DHRSX: variants seen among roughly 807,000 people sequenced by gnomAD.
DHRSX encodes polyprenol dehydrogenase.
Under a neutral mutation model 34.0 loss-of-function variants are expected in DHRSX, and 31 were observed. The observed-to-expected ratio is 0.91, with a 90% CI of 0.69 to 1.23. The LOEUF (loss-of-function observed/expected upper bound fraction) is 1.23, where lower values mean the gene tolerates loss of function less well. DHRSX is among the 50% of genes most tolerant of loss of function. The pLI, the probability that DHRSX is intolerant of heterozygous loss-of-function variation, is 0.00. For synonymous variants in DHRSX, 201 were observed against 183.8 expected, an observed-to-expected ratio of 1.09 and a Z score of -0.76; for missense variants, 414 against 428.1, an observed-to-expected ratio of 0.97 and a Z score of 0.29.
At chrX:2,321,107 G>A (rs978082515) in intron 3 of DHRSX, among the ~76,000 whole-genome samples, 5 of 152,126 alleles carry the variant, frequency 3.3e-5, no homozygotes, top group African/African-American at 4.8e-5. Context: ...GGCTTGTGGC[G>A]TGGCTGTCCA....
intron 3 of DHRSX, among the ~76,000 whole-genome samples, chrX:2,352,300 T>C (rs1306161576): frequency 6.6e-6 from 1 of 152,114 alleles, no homozygotes; most frequent in Non-Finnish European, 1.5e-5. Context: ...AATGGGATAG[T>C]ATCTGTTTTC....
At chrX:2,230,177 G>A (rs186641692) in intron 6 of DHRSX, among the ~76,000 whole-genome samples, 4,335 of 151,360 alleles carry the variant, frequency 0.029, 84 homozygotes, top group South Asian at 0.058. Context: ...GCAGGTGCGC[G>A]CATGTGTTTG....
At chrX:2,461,533 T>C (rs2044401986) in intron 1 of DHRSX, among the ~76,000 whole-genome samples, 1 of 152,160 alleles carries the variant, frequency 6.6e-6, no homozygotes, top group Non-Finnish European at 1.5e-5. Context: ...TTCTGCTTAA[T>C]CATGAACTTA....
chrX:2,282,990 G>C (rs1207291785), intron 4 of DHRSX, among the ~76,000 whole-genome samples: 3 of 151,510 alleles, frequency 2.0e-5, no homozygotes, highest in Admixed American at 6.6e-5. Flanking sequence ...GGAAAAGTGA[G>C]ACAGTGAAGA....
chrX:2,343,889 A>G (rs907485379), intron 3 of DHRSX, among the ~76,000 whole-genome samples: 16 of 152,216 alleles, frequency 1.1e-4, no homozygotes, highest in African/African-American at 3.9e-4. Flanking sequence ...CTTGGGTCAC[A>G]GCAGGAGCCT....
At chrX:2,398,119 G>A (rs973456737) in intron 3 of DHRSX, among the ~76,000 whole-genome samples, 2 of 152,210 alleles carry the variant, frequency 1.3e-5, no homozygotes, top group African/African-American at 4.8e-5. Context: ...GCAGACCCTT[G>A]TAGGTGAACA....
intron 3 of DHRSX, among the ~76,000 whole-genome samples, chrX:2,360,329 A>G (rs1317923776): frequency 6.6e-6 from 1 of 152,174 alleles, no homozygotes; most frequent in Non-Finnish European, 1.5e-5. Flanking sequence ...TCACGCCTGT[A>G]ATCCCAGCAC....
intron 3 of DHRSX, among the ~76,000 whole-genome samples, chrX:2,351,910 G>A (rs2042793077): frequency 6.6e-6 from 1 of 152,190 alleles, no homozygotes; most frequent in African/African-American, 2.4e-5. Flanking sequence ...AGTAGAGACA[G>A]GGTTCCACCA....
At position 2,296,967 on chromosome X, in the gene DHRSX, CCCCAGGCAGACAGGAATAGGA is replaced by C. The variant is rs1200797830; in HGVS notation, c.287-5385_287-5365del. 7.0e-5 allele frequency among the ~76,000 whole-genome samples: 7 copies of C among 100,148 alleles called. 1 individual carries two copies. The highest frequency in any genetic ancestry group is 5.7e-4 in the African/African-American group (5 of 8,826). 65.7% of individuals were successfully genotyped at this position (100,148 alleles called of 152,430 possible). A position where few individuals can be genotyped will look rare whatever the true frequency, so the allele number is the denominator to read the frequency against. On this transcript the variant is annotated intron_variant, in intron 3 of 6. Transcript: ENST00000334651. ...TAGGAATAGGACCCAGGCAGATAGACCCCAGGCAGACAGGAATAGGACCCAGGCAGATAGGAATAGGACCCA... is the reference window on the plus strand; with the variant it reads ...TAGGAATAGGACCCAGGCAGATAGACCCCAGGCAGATAGGAATAGGACCCA...
At chrX:2,260,837 C>T (rs1348705169) in intron 5 of DHRSX, among the ~76,000 whole-genome samples, 3 of 152,128 alleles carry the variant, frequency 2.0e-5, no homozygotes, top group African/African-American at 7.2e-5. Context: ...CACTTAATTC[C>T]ATCTGCAAAG....
chrX:2,456,365 G>C (rs2044296307), intron 1 of DHRSX, among the ~76,000 whole-genome samples: 1 of 152,056 alleles, frequency 6.6e-6, no homozygotes, highest in East Asian at 1.9e-4. Context: ...TGTTATCCCA[G>C]AACTTTGGGA....
chrX:2,283,052 G>A (rs748197080), intron 4 of DHRSX, among the ~76,000 whole-genome samples: 1 of 151,948 alleles, frequency 6.6e-6, no homozygotes, highest in East Asian at 1.9e-4. Context: ...GAGAGAGACA[G>A]AGAGTTACAG....
chrX:2,451,909 C>T (rs2044224257), intron 1 of DHRSX, among the ~76,000 whole-genome samples: 1 of 149,828 alleles, frequency 6.7e-6, no homozygotes, highest in Admixed American at 6.7e-5. Context: ...TGAAGACGTT[C>T]CCTAGGCATG....
At chrX:2,380,949 C>G (rs934581617) in intron 3 of DHRSX, among the ~76,000 whole-genome samples, 1 of 152,014 alleles carries the variant, frequency 6.6e-6, no homozygotes, top group Non-Finnish European at 1.5e-5. Context: ...ACTGCAACCT[C>G]CGCCTCCGAG....
At chrX:2,253,789 G>A (rs1288885953) in intron 5 of DHRSX, among the ~76,000 whole-genome samples, 5 of 152,098 alleles carry the variant, frequency 3.3e-5, no homozygotes, top group Admixed American at 1.3e-4. Flanking sequence ...GACCGGGCGC[G>A]GTGGCTCACG....
chrX:2,399,741 A>C (rs1386620131), intron 3 of DHRSX, among the ~76,000 whole-genome samples: 2 of 142,582 alleles, frequency 1.4e-5, no homozygotes, highest in African/African-American at 2.6e-5. Context: ...AAAAAAAAAA[A>C]ACAAAAAAAC....
intron 1 of DHRSX, among the ~76,000 whole-genome samples, chrX:2,473,967 G>A (rs1297762082): frequency 1.3e-5 from 2 of 150,632 alleles, no homozygotes; most frequent in African/African-American, 2.5e-5. Context: ...GAATGAATGC[G>A]GTCAGCACGG....
At chrX:2,367,057 C>G (rs2043002010) in intron 3 of DHRSX, among the ~76,000 whole-genome samples, 1 of 152,080 alleles carries the variant, frequency 6.6e-6, no homozygotes, top group Admixed American at 6.6e-5. Context: ...TTAAGCCATT[C>G]CCCATCAGGA....
In DHRSX at chrX:2,243,241, A is replaced by C; in HGVS notation, c.597-11T>G. 1 of 1,612,126 alleles carries C rather than the reference A, an allele frequency of 6.2e-7. No homozygotes were observed. On this transcript the variant is annotated splice_polypyrimidine_tract_variant and intron_variant, in intron 5 of 6. Coordinates refer to ENST00000334651, the MANE Select transcript of DHRSX (RefSeq NM_145177.3). ...GGTGAGTAGCAGGCACTGTGGGGCA[A>C]GCAGGAGAAGGTGTAAGAGGCTGAC...
Sources: gnomAD v4.1 joint callset for allele counts (sites outside exome capture counted in the v4.1 genomes callset) on GRCh38, gnomAD v4.1.1 for gene constraint, MANE v1.5 for transcripts, NCBI Gene and HGNC (gene_info 2026-07-23, HGNC 2026-07-21) for gene names.